The following ZNF570 variants were observed in gnomAD, a reference collection of about 807,000 sequenced individuals.
ZNF570 encodes the protein zinc finger protein 570.
A neutral mutation model predicts 14.2 loss-of-function variants in ZNF570; 8 were observed. That is an observed-to-expected ratio of 0.56 (90% CI 0.33 to 1.02). The LOEUF is 1.02. ZNF570 is among the 50% of genes least tolerant of loss of function. The probability of loss-of-function intolerance (pLI) is 0.03; values close to 1 mark genes in which losing one functional copy is unlikely to be tolerated. For missense variants in ZNF570, 559 were observed against 624.9 expected, an observed-to-expected ratio of 0.89 and a Z score of 1.12; for synonymous variants, 202 against 207.6, an observed-to-expected ratio of 0.97 and a Z score of 0.23.
intron 4 of ZNF570, among the ~76,000 whole-genome samples, chr19:37,481,309 C>A (rs376292983): frequency 2.0e-5 from 3 of 151,926 alleles, no homozygotes; most frequent in African/African-American, 7.3e-5. Context: ...CGTGCCACCA[C>A]GCCTGGCTAA....
upstream of ZNF570, among the ~76,000 whole-genome samples, chr19:37,468,197 T>G (rs1299132757): frequency 4.0e-5 from 6 of 151,650 alleles, no homozygotes; most frequent in Non-Finnish European, 8.8e-5. Context: ...AGCGATTCTC[T>G]GCCTCGGCCT....
At chr19:37,469,292 C>A (rs2041910905), upstream of ZNF570, 4 of 1,413,914 alleles carry the variant, frequency 2.8e-6, no homozygotes, top group South Asian at 4.6e-5. Flanking sequence ...CGTTTCCCAG[C>A]GGACCCCGCG....
At chr19:37,468,134 G>C (rs1388759211), upstream of ZNF570, 4 of 610,560 alleles carry the variant, frequency 6.6e-6, no homozygotes, top group Non-Finnish European at 1.1e-5. Context: ...GCCCAGGCTG[G>C]AGAGTGCAGC....
chr19:37,478,824 T>C (rs1182636889), intron 4 of ZNF570, among the ~76,000 whole-genome samples: 1 of 151,370 alleles, frequency 6.6e-6, no homozygotes, highest in Non-Finnish European at 1.5e-5. Flanking sequence ...ACATACATTT[T>C]CAAATGTTGA....
At position 37,484,286 on chromosome 19, in the gene ZNF570, G is replaced by A; in HGVS notation, c.664G>A (p.Asp222Asn). The part of the protein sequence containing the change: ...CAEKKLLKCN[D>N]CEKVFSQSSS... ...AGAGAAGAAACTTTTGAAATGTAAT[G>A]ACTGTGAAAAAGTCTTCAGCCAGAG... The change falls in exon 5 of 5, where the codon GAC (aspartate) becomes AAC (asparagine). Residue 222 changes from aspartate (D) to asparagine (N), a missense_variant. Transcript: ENST00000330173. The A allele has an allele frequency of 6.2e-7, 1 of 1,613,336 alleles. No individual in the cohort carries two copies. Among genetic ancestry groups the A allele is most frequent in the Non-Finnish European group, 8.5e-7 (1 of 1,179,864 alleles).
Position 37,469,573 on chromosome 19 carries a change from T to C in ZNF570, c.-52+16T>C. 5.2e-6 allele frequency: 8 copies of C among 1,535,554 alleles called. No homozygotes were observed. The highest frequency in any genetic ancestry group is 6.1e-6 in the Non-Finnish European group (7 of 1,146,300). On this transcript the variant is annotated intron_variant, in intron 1 of 4. Transcript: ENST00000330173. ...GCGAGTGGAGGTTGGTACCGTTCAG[T>C]GCGAGGCTGTCACCCCGTGTGCCTG...
intron 2 of ZNF570, among the ~76,000 whole-genome samples, chr19:37,471,914 A>T (rs1363414798): frequency 4.5e-5 from 6 of 133,512 alleles, no homozygotes; most frequent in South Asian, 2.4e-4. Flanking sequence ...TCAGACTACT[A>T]TTTTTTTTTT....
intron 2 of ZNF570, among the ~76,000 whole-genome samples, chr19:37,474,967 G>GTTTTTTTTTTT (rs11285183): frequency 7.2e-6 from 1 of 138,684 alleles, no homozygotes; most frequent in Non-Finnish European, 1.6e-5. Context: ...TTTTGTTTTT[G>GTTTTTTTTTTT]TTTTTTTTTT....
intron 2 of ZNF570, 143 bp from the exon 3 acceptor site, chr19:37,475,738 A>T (rs1022884287): frequency 3.0e-6 from 2 of 677,086 alleles, no homozygotes; most frequent in Admixed American, 3.5e-5. Flanking sequence ...ATAATCTGAG[A>T]TATACAAAGG....
Position 37,475,963 on chromosome 19 carries a change from A to G in ZNF570, c.116A>G (p.Tyr39Cys), listed in dbSNP as rs776974040. ...DCLDSSQRHL[Y>C]SNVMLENYRI... ...CTGGATTCTTCTCAAAGACATCTGT[A>G]CAGTAATGTGATGCTAGAGAACTAC... The change falls in exon 3 of 5, where the codon TAC becomes TGC. Residue 39 changes from tyrosine to cysteine, a missense_variant. Coordinates refer to ENST00000330173, the MANE Select transcript of ZNF570 (RefSeq NM_144694.5). 2 of 1,614,038 alleles carry G rather than the reference A, an allele frequency of 1.2e-6. No individual in the cohort carries two copies. Among genetic ancestry groups the G allele is most frequent in the South Asian group, 2.2e-5 (2 of 91,060 alleles).
At position 37,486,734 on chromosome 19, in the gene ZNF570, G is replaced by C. The variant is rs1054164633; in HGVS notation, c.*1501G>C. 8.5e-5 allele frequency: 13 copies of C among 152,168 alleles called. No homozygotes were observed. The highest frequency in any genetic ancestry group is 2.9e-4 in the African/African-American group (12 of 41,450). 9.4% of individuals were successfully genotyped at this position (152,168 alleles called of 1,614,324 possible). On this transcript the variant is annotated 3_prime_UTR_variant, in exon 5 of 5. Coordinates refer to ENST00000330173, the MANE Select transcript of ZNF570 (RefSeq NM_144694.5). Reference sequence around the variant, plus strand: ...AGTCAGGTAGTGGAACTATAACACTGACAGCCAGTTTTAGGAAGTTTCTAC... The same window carrying C: ...AGTCAGGTAGTGGAACTATAACACTCACAGCCAGTTTTAGGAAGTTTCTAC...
Position 37,484,988 on chromosome 19 carries a change from T to A in ZNF570, c.1366T>A (p.Ser456Thr). Residue 456 changes from serine (S) to threonine (T), a missense_variant, in exon 5 of 5, where the codon TCC becomes ACC. Transcript: ENST00000330173. ...ECGKAFSNDS[S>T]LTQHQRVHTG... The stretch of plus-strand genomic sequence containing the variant: ...TGGGAAGGCTTTTAGCAATGACTCG[T>A]CCCTTACTCAACATCAGCGAGTTCA... 1 of 1,614,080 alleles carries A rather than the reference T, an allele frequency of 6.2e-7. No individual in the cohort carries two copies. The highest frequency in any genetic ancestry group is 8.5e-7 in the Non-Finnish European group (1 of 1,180,004).
At chr19:37,469,212 C>G, upstream of ZNF570, 1 of 1,303,424 alleles carries the variant, frequency 7.7e-7, no homozygotes, top group Non-Finnish European at 9.8e-7. Flanking sequence ...GGCCGTGTTA[C>G]AAACCCTGCG....
rs764609936 is a variant in ZNF570, at chr19:37,471,009, A to ATTTTTTTTTTTTTTTTTTTTTTT, written c.33+642_33+643insTTTTTTTTTTTTTTTTTTTTTTT. Among the ~76,000 whole-genome samples, 9 of 84,392 alleles carry ATTTTTTTTTTTTTTTTTTTTTTT rather than the reference A, an allele frequency of 1.1e-4. 1 individual carries two copies. Among genetic ancestry groups the ATTTTTTTTTTTTTTTTTTTTTTT allele is most frequent in the African/African-American group, 5.2e-4 (9 of 17,362 alleles). The allele number at this position is 84,392 out of a possible 152,430, so 55.4% of individuals were successfully genotyped here. On this transcript the variant is annotated intron_variant, in intron 2 of 4. Coordinates refer to ENST00000330173, the MANE Select transcript of ZNF570 (RefSeq NM_144694.5). ...GCTACCATGCCTGGCCAGTGAGTAC[A>ATTTTTTTTTTTTTTTTTTTTTTT]TTTTTTTTTTTTTTTTTTTTGTTGA... is the stretch of plus-strand genomic sequence containing the variant.
intron 4 of ZNF570, among the ~76,000 whole-genome samples, chr19:37,480,413 G>T (rs1600385162): frequency 6.6e-6 from 1 of 152,122 alleles, no homozygotes; most frequent in African/African-American, 2.4e-5. Context: ...GAACCCAGGA[G>T]GTGGAGGTTG....
chr19:37,468,090 TTTTG>T (rs2041881360), upstream of ZNF570: 2 of 676,200 alleles, frequency 3.0e-6, no homozygotes, highest in African/African-American at 2.1e-5. Context: ...TTTTTGTTTG[TTTTG>T]TTTTTTTTGA....
In ZNF570 at chr19:37,486,579, C is replaced by T. The variant is rs2042157577; in HGVS notation, c.*1346C>T. 1 of 152,180 alleles carries T rather than the reference C, an allele frequency of 6.6e-6. No individual in the cohort carries two copies. The highest frequency in any genetic ancestry group is 2.4e-5 in the African/African-American group (1 of 41,442). 9.4% of individuals were successfully genotyped at this position (152,180 alleles called of 1,614,324 possible). ...TCTACATATATTAACTCATCTACTC[C>T]TCACAAAACAAGATTCCTTATTGGA... On this transcript the variant is annotated 3_prime_UTR_variant, in exon 5 of 5. Coordinates refer to ENST00000330173, the MANE Select transcript of ZNF570 (RefSeq NM_144694.5).
intron 4 of ZNF570, among the ~76,000 whole-genome samples, chr19:37,479,153 C>T (rs973918124): frequency 7.0e-6 from 1 of 141,854 alleles, no homozygotes; most frequent in African/African-American, 2.5e-5. Flanking sequence ...TTCTAAAATT[C>T]TAGGTTTTCT....
upstream of ZNF570, chr19:37,468,062 G>T: frequency 1.3e-6 from 1 of 760,854 alleles, no homozygotes; most frequent in Non-Finnish European, 2.1e-6. Flanking sequence ...ACTTCTCTAT[G>T]CCTTTCGTGT....
Sources: gnomAD v4.1 joint callset for allele counts (sites outside exome capture counted in the v4.1 genomes callset) on GRCh38, gnomAD v4.1.1 for gene constraint, MANE v1.5 for transcripts, NCBI Gene and HGNC (gene_info 2026-07-23, HGNC 2026-07-21) for gene names.